BAZ2B: variants seen among roughly 807,000 people sequenced by gnomAD.
BAZ2B encodes the protein bromodomain adjacent to zinc finger domain protein 2B.
Under a neutral mutation model 246.0 loss-of-function variants are expected in BAZ2B, and 91 were observed. The ratio of observed to expected loss-of-function variants is 0.37; its 90% CI spans 0.31 to 0.44. BAZ2B has a LOEUF of 0.44. Among genes scored for constraint, BAZ2B ranks in the 20% least tolerant of loss-of-function variants. The pLI is 1.00. For synonymous variants in BAZ2B, 855 were observed against 860.0 expected (o/e 0.99, Z 0.10); for missense variants, 2,332 against 2,533.7 (o/e 0.92, Z 1.71).
intron 26 of BAZ2B, 99 bp downstream of exon 26, chr2:159,374,592 A>G: frequency 2.1e-6 from 2 of 975,274 alleles, no homozygotes; most frequent in Admixed American, 4.4e-5. Context: ...ACTCACCAAA[A>G]GCCTATTTTT....
intron 1 of BAZ2B, among the ~76,000 whole-genome samples, chr2:159,604,951 T>TGCGTGC (rs1553749947): frequency 6.9e-5 from 10 of 144,328 alleles, no homozygotes; most frequent in Non-Finnish European, 1.5e-4. Context: ...TGTGTGTGTG[T>TGCGTGC]GCGCGTGTGT....
rs1026403425 is a variant in BAZ2B at position 159,457,480 on chromosome 2, C to A, written c.146-3679G>T. 3.3e-5 allele frequency among the ~76,000 whole-genome samples: 5 copies of A among 152,174 alleles called. No individual in the cohort carries two copies. The East Asian group carries it at 9.6e-4, about 29-fold the overall frequency. On this transcript the variant is annotated intron_variant, in intron 3 of 36. Transcript: ENST00000392783. ...GGGACTCATTCCAAAGGCTTTCAAT[C>A]AGAACAAAAAGCTGTCTTGAGTCTT... is the stretch of plus-strand genomic sequence containing the variant.
In BAZ2B at chr2:159,438,260, T is replaced by C. The variant is rs771184477; in HGVS notation, c.1293+43A>G. Reference sequence around the variant, plus strand: ...GTAAGACAATATAGAAGCTCTATCTTTCTCTAATAGTAAAATTCTTGTATA... The same window carrying C: ...GTAAGACAATATAGAAGCTCTATCTCTCTCTAATAGTAAAATTCTTGTATA... On this transcript the variant is annotated intron_variant, in intron 8 of 36. Coordinates refer to ENST00000392783, the MANE Select transcript of BAZ2B (RefSeq NM_013450.4). 18 of 1,532,168 alleles carry C rather than the reference T, an allele frequency of 1.2e-5. No individual in the cohort carries two copies. In the African/African-American group the frequency reaches 2.2e-4, roughly 19 times the overall value. The allele number at this position is 1,532,168 out of a possible 1,614,324, so 94.9% of individuals were successfully genotyped here.
rs775724978 is a variant in BAZ2B, at chr2:159,347,474, A to C, written c.5454+12T>G. 3 of 1,611,058 alleles carry C rather than the reference A, an allele frequency of 1.9e-6. No homozygotes were observed. The South Asian group carries it at 3.3e-5, about 18-fold the overall frequency. On this transcript the variant is annotated intron_variant, in intron 31 of 36. Coordinates refer to ENST00000392783, the MANE Select transcript of BAZ2B (RefSeq NM_013450.4). Reference sequence around the variant, plus strand: ...TATCCTAAAAACATATTTTATTCCAAGTCGATTTTACCTTCACTTGCAAAC... The same window carrying C: ...TATCCTAAAAACATATTTTATTCCACGTCGATTTTACCTTCACTTGCAAAC...
the BAZ2B span, chr2:159,694,008 C>T: frequency 6.6e-6 from 1 of 152,180 alleles, no homozygotes; most frequent in Non-Finnish European, 1.5e-5. Context: ...CCCTCCCCAA[C>T]TAAATTCACG....
At chr2:159,566,161 A>G (rs1346972902) in intron 1 of BAZ2B, among the ~76,000 whole-genome samples, 1 of 152,110 alleles carries the variant, frequency 6.6e-6, no homozygotes, top group East Asian at 1.9e-4. Flanking sequence ...ACAGGCATGC[A>G]CCACCACGTC....
chr2:159,701,621 C>T, the BAZ2B span, among the ~76,000 whole-genome samples: 1 of 147,742 alleles, frequency 6.8e-6, no homozygotes, highest in Non-Finnish European at 1.5e-5. Context: ...TTTTATTCTT[C>T]TTAAATTATA....
intron 27 of BAZ2B, among the ~76,000 whole-genome samples, chr2:159,367,971 T>C (rs1385817580): frequency 2.0e-5 from 3 of 152,228 alleles, no homozygotes; most frequent in African/African-American, 7.2e-5. Flanking sequence ...TTATTTACAG[T>C]AGTTTCTACT....
intron 27 of BAZ2B, among the ~76,000 whole-genome samples, chr2:159,355,996 A>G (rs570930733): frequency 6.6e-6 from 1 of 152,322 alleles, no homozygotes; most frequent in East Asian, 1.9e-4. Flanking sequence ...TAACCCACAG[A>G]CCAGGAGATT....
intron 1 of BAZ2B, among the ~76,000 whole-genome samples, chr2:159,581,034 A>G (rs1686640419): frequency 6.6e-6 from 1 of 152,196 alleles, no homozygotes; most frequent in African/African-American, 2.4e-5. Context: ...AAAACACCAA[A>G]AGCAATGGCA....
At chr2:159,517,123 A>G (rs1331776140) in intron 2 of BAZ2B, among the ~76,000 whole-genome samples, 1 of 152,178 alleles carries the variant, frequency 6.6e-6, no homozygotes, top group Non-Finnish European at 1.5e-5. Flanking sequence ...AGACTGCTTT[A>G]TAATTTATGT....
At chr2:159,395,663 A>C in intron 20 of BAZ2B, 106 bp downstream of exon 20, 1 of 1,022,680 alleles carries the variant, frequency 9.8e-7, no homozygotes, top group Non-Finnish European at 1.4e-6. Context: ...AAAACCAGTA[A>C]ATCACAACAA....
intron 2 of BAZ2B, chr2:159,516,797 AAG>A (rs1226818458): frequency 1.3e-5 from 2 of 152,130 alleles, no homozygotes; most frequent in Non-Finnish European, 2.9e-5. Flanking sequence ...CAATAAAGAG[AAG>A]AGGTCTTTCT....
chr2:159,585,777 C>G (rs1465023918), intron 1 of BAZ2B, among the ~76,000 whole-genome samples: 1 of 152,220 alleles, frequency 6.6e-6, no homozygotes, highest in Non-Finnish European at 1.5e-5. Flanking sequence ...CATTCAATGA[C>G]TAGGACTTTG....
intron 20 of BAZ2B, chr2:159,395,545 A>G (rs1002119850): frequency 8.3e-6 from 3 of 363,592 alleles, no homozygotes; most frequent in Non-Finnish European, 1.5e-5. Flanking sequence ...CTAAAAAAAG[A>G]CAATTAAAAT....
rs762926171 is a variant in BAZ2B, at chr2:159,383,679, C to T, written c.3688G>A (p.Glu1230Lys). ...ATATAATCAATGTTCTTGTCGATTTCACTGCCAATGCAAGAATTTATTAAA... is the reference window on the plus strand; with the variant it reads ...ATATAATCAATGTTCTTGTCGATTTTACTGCCAATGCAAGAATTTATTAAA... Reference protein sequence around the residue: ...ELACSKSVVSEIDKNIDYMSN... With the variant: ...ELACSKSVVSKIDKNIDYMSN... Residue 1230 changes from glutamate to lysine, a missense_variant and splice_region_variant, in exon 24 of 37, where the codon GAA (glutamate) becomes AAA (lysine). Physicochemically the swap from Glu to Lys is moderately conservative, Grantham distance 56. This residue lies in a region of BAZ2B where 328 missense variants were observed against 410.4 expected (regional missense o/e 0.80). Transcript: ENST00000392783. 3 of 1,609,202 alleles carry T rather than the reference C, an allele frequency of 1.9e-6. No individual in the cohort carries two copies. Among genetic ancestry groups the T allele is most frequent in the Non-Finnish European group, 2.5e-6 (3 of 1,177,520 alleles).
At chr2:159,611,604 G>C (rs1197231167) in intron 1 of BAZ2B, among the ~76,000 whole-genome samples, 2 of 151,782 alleles carry the variant, frequency 1.3e-5, no homozygotes, top group Non-Finnish European at 2.9e-5. Context: ...AGGAAGTTTT[G>C]AGCAAATTAT....
chr2:159,454,912 AC>A (rs1299039808), intron 3 of BAZ2B, among the ~76,000 whole-genome samples: 4 of 152,196 alleles, frequency 2.6e-5, no homozygotes, highest in African/African-American at 9.6e-5. Flanking sequence ...TATGATAAAA[AC>A]ATGACTTATT....
intron 33 of BAZ2B, among the ~76,000 whole-genome samples, chr2:159,336,453 T>C (rs889888762): frequency 1.3e-5 from 2 of 152,222 alleles, no homozygotes; most frequent in African/African-American, 4.8e-5. Context: ...CTACTGTTCA[T>C]GTCAACCACA....
Sources: allele counts gnomAD v4.1 joint callset (sites outside exome capture counted in the v4.1 genomes callset), GRCh38; gene constraint gnomAD v4.1.1; regional missense constraint gnomAD v4.1.1; transcripts MANE v1.5; gene names NCBI Gene and HGNC (gene_info 2026-07-23, HGNC 2026-07-21).